Variants in RALA observed in about 807,000 individuals in gnomAD.
RALA encodes the protein RAS like proto-oncogene A, also known as ras-related protein Ral-A.
Under a neutral mutation model 24.0 loss-of-function variants are expected in RALA, and 5 were observed. That is an observed-to-expected ratio of 0.21 (90% CI 0.11 to 0.44). The LOEUF is 0.44. Ranked by LOEUF, RALA falls within the 20% of genes least tolerant of loss-of-function variation. The pLI, the probability that RALA is intolerant of heterozygous loss-of-function variation, is 0.99. For missense variants in RALA, 95 were observed against 241.2 expected, an observed-to-expected ratio of 0.39 and a Z score of 4.01; for synonymous variants, 77 against 83.8, an observed-to-expected ratio of 0.92 and a Z score of 0.44.
At chr7:39,653,778 G>GT (rs1792056155) in intron 1 of RALA, among the ~76,000 whole-genome samples, 2 of 152,116 alleles carry the variant, frequency 1.3e-5, no homozygotes, top group African/African-American at 4.8e-5. Context: ...GTACTTCCAG[G>GT]TGATAAAACA....
chr7:39,659,456 T>G (rs1170520214), intron 1 of RALA, among the ~76,000 whole-genome samples: 1 of 152,192 alleles, frequency 6.6e-6, no homozygotes, highest in Non-Finnish European at 1.5e-5. Flanking sequence ...AACTTAAGAT[T>G]TTTTACTTTT....
intron 1 of RALA, among the ~76,000 whole-genome samples, chr7:39,683,032 C>T (rs1299630565): frequency 6.6e-6 from 1 of 152,114 alleles, no homozygotes; most frequent in African/African-American, 2.4e-5. Flanking sequence ...CAGGGTAGGG[C>T]CCCCATGATG....
At chr7:39,705,578 ATAAATTCTCAAATACAGAG>A (rs1246067943) in intron 4 of RALA, among the ~76,000 whole-genome samples, 1 of 152,168 alleles carries the variant, frequency 6.6e-6, no homozygotes, top group Admixed American at 6.5e-5. Flanking sequence ...ACAAAAACTG[ATAAATTCTCAAATACAGAG>A]TAACAGACAA....
intron 1 of RALA, among the ~76,000 whole-genome samples, chr7:39,660,942 T>C (rs1792175635): frequency 6.6e-6 from 1 of 151,546 alleles, no homozygotes; most frequent in Admixed American, 6.6e-5. Flanking sequence ...TACCCAAGAG[T>C]GAGTAATTTA....
chr7:39,648,813 A>T (rs1278189275), intron 1 of RALA, among the ~76,000 whole-genome samples: 1 of 152,146 alleles, frequency 6.6e-6, no homozygotes, highest in Non-Finnish European at 1.5e-5. Flanking sequence ...TAATCCCAGC[A>T]CTTTGGGAGG....
At chr7:39,651,552 T>G (rs1215660175) in intron 1 of RALA, among the ~76,000 whole-genome samples, 3 of 152,208 alleles carry the variant, frequency 2.0e-5, no homozygotes, top group Non-Finnish European at 4.4e-5. Context: ...CCACAAATAT[T>G]TTAAATATTT....
intron 1 of RALA, chr7:39,624,214 C>T (rs956889373): frequency 6.6e-6 from 1 of 152,316 alleles, no homozygotes; most frequent in African/African-American, 2.4e-5. Context: ...CCCCTCTCCC[C>T]TCCTTCCCTT....
chr7:39,679,072 CTT>C (rs11418081), intron 1 of RALA, among the ~76,000 whole-genome samples: 2 of 145,676 alleles, frequency 1.4e-5, no homozygotes, highest in Non-Finnish European at 1.5e-5. Flanking sequence ...TGTTCTGTAT[CTT>C]TTTTTTTTTT....
chr7:39,673,632 T>C (rs1792426488), intron 1 of RALA, among the ~76,000 whole-genome samples: 1 of 152,210 alleles, frequency 6.6e-6, no homozygotes, highest in Non-Finnish European at 1.5e-5. Flanking sequence ...TTATTTGTAG[T>C]AATTTTGCAG....
At chr7:39,647,803 G>A (rs1038634668) in intron 1 of RALA, among the ~76,000 whole-genome samples, 6 of 152,270 alleles carry the variant, frequency 3.9e-5, no homozygotes, top group Admixed American at 2.6e-4. Context: ...ACCAGACACC[G>A]AATGTGCTGG....
intron 1 of RALA, among the ~76,000 whole-genome samples, chr7:39,672,794 C>T (rs1334666235): frequency 6.6e-6 from 1 of 152,120 alleles, no homozygotes; most frequent in African/African-American, 2.4e-5. Flanking sequence ...GAAATCCTAT[C>T]AGTGGCTGCC....
intron 1 of RALA, among the ~76,000 whole-genome samples, chr7:39,634,029 T>C (rs1791644537): frequency 6.6e-6 from 1 of 152,212 alleles, no homozygotes. Flanking sequence ...TGCCTTTCTC[T>C]GTCATTCTAT....
intron 1 of RALA, among the ~76,000 whole-genome samples, chr7:39,631,049 C>T (rs1439199225): frequency 6.6e-6 from 1 of 151,498 alleles, no homozygotes. Context: ...ACTGTGTCAC[C>T]CAGGCTGGAG....
chr7:39,673,973 G>A (rs943857219), intron 1 of RALA, among the ~76,000 whole-genome samples: 10 of 151,462 alleles, frequency 6.6e-5, no homozygotes, highest in Admixed American at 4.6e-4. Flanking sequence ...GTGAGACCTC[G>A]TCTCTACTAA....
At chr7:39,626,280 C>G (rs971231643) in intron 1 of RALA, among the ~76,000 whole-genome samples, 1 of 152,250 alleles carries the variant, frequency 6.6e-6, no homozygotes, top group African/African-American at 2.4e-5. Context: ...CTCCACAACA[C>G]TTCTGCAAGA....
chr7:39,690,918 C>G (rs1792804475), intron 3 of RALA, among the ~76,000 whole-genome samples: 1 of 152,142 alleles, frequency 6.6e-6, no homozygotes, highest in African/African-American at 2.4e-5. Flanking sequence ...ATACTTAGAG[C>G]ACATAATGGA....
At chr7:39,697,481 G>A (rs1792942453) in intron 4 of RALA, 3 of 456,458 alleles carry the variant, frequency 6.6e-6, no homozygotes, top group African/African-American at 6.0e-5. Context: ...ACCAGCTCCA[G>A]TATCTAGAAA....
chr7:39,634,594 A>C (rs1287960929), intron 1 of RALA, among the ~76,000 whole-genome samples: 6 of 152,056 alleles, frequency 3.9e-5, no homozygotes, highest in Non-Finnish European at 7.4e-5. Flanking sequence ...AGCCCTAGTC[A>C]TTTAATGTTT....
intron 1 of RALA, among the ~76,000 whole-genome samples, chr7:39,652,350 C>G (rs923549949): frequency 6.6e-6 from 1 of 152,086 alleles, no homozygotes; most frequent in African/African-American, 2.4e-5. Context: ...CATTCCCCAC[C>G]CCATATCAAT....
Sources: gnomAD v4.1 joint callset for allele counts (sites outside exome capture counted in the v4.1 genomes callset) on GRCh38, gnomAD v4.1.1 for gene constraint, MANE v1.5 for transcripts, NCBI Gene and HGNC (gene_info 2026-07-23, HGNC 2026-07-21) for gene names.